ZDHHC8: variants seen among roughly 807,000 people sequenced by gnomAD.
The protein encoded by ZDHHC8 is palmitoyltransferase ZDHHC8.
Under a neutral mutation model 61.2 loss-of-function variants are expected in ZDHHC8, and 24 were observed. The observed-to-expected ratio is 0.39, with a 90% confidence interval of 0.28 to 0.55. The LOEUF is 0.55. Ranked by LOEUF, ZDHHC8 falls within the 20% of genes least tolerant of loss-of-function variation. ZDHHC8 has a pLI of 0.60. For missense variants in ZDHHC8, 935 were observed against 1,102.1 expected (o/e 0.85, Z 2.15); for synonymous variants, 523 against 492.5 (o/e 1.06, Z -0.82).
Position 20,132,808 on chromosome 22 carries a change from C to G in ZDHHC8, c.104+757C>G, listed in dbSNP as rs181962627. Among the ~76,000 whole-genome samples the G allele has an allele frequency of 2.4e-4, 36 of 152,342 alleles. 1 individual carries two copies. The highest frequency in any genetic ancestry group is 2.2e-3 in the Admixed American group (33 of 15,314). On this transcript the variant is annotated intron_variant, in intron 1 of 10. Transcript: ENST00000334554. ...GCTGGCTTAGGACCAGAGAGGCATGCGGACAGCACAGCCTCCCTCTGTGGC... is the reference window on the plus strand; with the variant it reads ...GCTGGCTTAGGACCAGAGAGGCATGGGGACAGCACAGCCTCCCTCTGTGGC...
chr22:20,144,421 G>C (rs1294298420), intron 10 of ZDHHC8, among the ~76,000 whole-genome samples: 7 of 152,198 alleles, frequency 4.6e-5, no homozygotes, highest in Non-Finnish European at 1.0e-4. Flanking sequence ...CTGGGGCCAG[G>C]ACCCACGCCA....
chr22:20,132,533 G>A (rs2050386167), intron 1 of ZDHHC8, among the ~76,000 whole-genome samples: 1 of 152,250 alleles, frequency 6.6e-6, no homozygotes, highest in African/African-American at 2.4e-5. Flanking sequence ...TGGCCTCGTT[G>A]CCACGTGCCT....
Position 20,140,954 on chromosome 22 carries a change from C to T in ZDHHC8, c.836C>T (p.Ala279Val), listed in dbSNP as rs1015117901. ...AGGCCTGAACTCCTGGACCGAGCTG[C>T]ACCGCTCAAGGTCAAGCTTAGTGAC... ...FLRPELLDRA[A>V]PLKVKLSDNG... Residue 279 changes from alanine (A) to valine (V), a missense_variant, in exon 7 of 11, where the codon GCA becomes GTA. Physicochemically the swap from Ala to Val is moderately conservative, Grantham distance 64. Coordinates refer to ENST00000334554, the MANE Select transcript of ZDHHC8 (RefSeq NM_013373.4). 6 of 1,610,300 alleles carry T rather than the reference C, an allele frequency of 3.7e-6. No individual in the cohort carries two copies. The highest frequency in any genetic ancestry group is 5.1e-6 in the Non-Finnish European group (6 of 1,179,990).
chr22:20,146,629 G>A lies in ZDHHC8; in HGVS notation c.*1229G>A, dbSNP rs2050527751. 1 of 1,004,580 alleles carries A rather than the reference G, an allele frequency of 1.0e-6. No individual in the cohort carries two copies. The highest frequency in any genetic ancestry group is 9.9e-5 in the East Asian group (1 of 10,100). 62.2% of individuals were successfully genotyped at this position (1,004,580 alleles called of 1,614,324 possible). On this transcript the variant is annotated 3_prime_UTR_variant, in exon 11 of 11. Transcript: ENST00000334554. Reference sequence around the variant, plus strand: ...GCTGAGTCAGAGGCTTGGGAAGAGGGGGCGGCCGATGGTCTGTGGCTGGGA... The same window carrying A: ...GCTGAGTCAGAGGCTTGGGAAGAGGAGGCGGCCGATGGTCTGTGGCTGGGA...
Position 20,141,473 on chromosome 22 carries a change from G to A in ZDHHC8, c.1068G>A (p.Lys356=), listed in dbSNP as rs1466447720. The change falls in exon 9 of 11, where the codon AAG becomes AAA. Residue 356 remains lysine (K), a synonymous_variant. Transcript: ENST00000334554. ...RTSPPTPAMY[K]FRPAFPTGPK... is the part of the protein sequence containing the mutation. The stretch of plus-strand genomic sequence containing the variant: ...GCCCCCCGACACCTGCCATGTACAA[G>A]TTTAGGCCGGCTTTCCCCACGGGTC... 6.2e-7 allele frequency: 1 copy of A among 1,613,370 alleles called. No individual in the cohort carries two copies. Among genetic ancestry groups the A allele is most frequent in the Non-Finnish European group, 8.5e-7 (1 of 1,179,946 alleles).
At position 20,132,014 on chromosome 22, in the gene ZDHHC8, C is replaced by G; in HGVS notation, c.67C>G (p.Leu23Val). ...KYIPVATAAA[L>V]LVGSSTLFFV... ...CATCCCGGTGGCCACGGCCGCCGCG[C>G]TGCTGGTCGGCTCCAGCACCCTCTT... Residue 23 changes from leucine to valine, a missense_variant, in exon 1 of 11, where the codon CTG (leucine) becomes GTG (valine). Coordinates refer to ENST00000334554, the MANE Select transcript of ZDHHC8 (RefSeq NM_013373.4). 7.2e-7 allele frequency: 1 copy of G among 1,392,124 alleles called. No individual in the cohort carries two copies. The allele number at this position is 1,392,124 out of a possible 1,614,324, so 86.2% of individuals were successfully genotyped here.
chr22:20,146,787 T>C lies in ZDHHC8; in HGVS notation c.*1387T>C, dbSNP rs1286972156. ...AGAGCTTGGGGAGATGAAATGGGGG[T>C]GCATAGGGGCCACCTGTTGGCTCAG... On this transcript the variant is annotated 3_prime_UTR_variant, in exon 11 of 11. Coordinates refer to ENST00000334554, the MANE Select transcript of ZDHHC8 (RefSeq NM_013373.4). 2 of 1,229,902 alleles carry C rather than the reference T, an allele frequency of 1.6e-6. No individual in the cohort carries two copies. The highest frequency in any genetic ancestry group is 6.4e-5 in the East Asian group (2 of 31,146). 76.2% of individuals were successfully genotyped at this position (1,229,902 alleles called of 1,614,324 possible).
Position 20,143,039 on chromosome 22 carries a change from T to G in ZDHHC8, c.1409T>G (p.Leu470Arg). Residue 470 changes from leucine to arginine, a missense_variant, in exon 10 of 11, where the codon CTG (leucine) becomes CGG (arginine). Leu to Arg is a moderately radical substitution (Grantham distance 102). Around this residue, in one of 3 missense-constraint regions of ZDHHC8, gnomAD observed 692 missense variants for 731.4 expected, o/e 0.95. Coordinates refer to ENST00000334554, the MANE Select transcript of ZDHHC8 (RefSeq NM_013373.4). ...CGTAGCATTTTTGCCCCCCATGCAC[T>G]GCCCAACCGCAACGGCAGCCTGTCC... is the stretch of plus-strand genomic sequence containing the variant. ...PHRSIFAPHALPNRNGSLSYD... is the reference protein window; with the variant it reads ...PHRSIFAPHARPNRNGSLSYD... 6.2e-7 allele frequency: 1 copy of G among 1,612,504 alleles called. No homozygotes were observed. The highest frequency in any genetic ancestry group is 8.5e-7 in the Non-Finnish European group (1 of 1,179,852).
rs745914692 is a variant in ZDHHC8 at position 20,143,186 on chromosome 22, G to T, written c.1556G>T (p.Arg519Leu). ...LHPGATGDPP[R>L]PLPRSFSPVL... is the part of the protein sequence containing the mutation. Reference sequence around the variant, plus strand: ...CCTGGGGCAACGGGCGACCCGCCACGGCCCCTACCCCGCAGCTTCAGCCCC... The same window carrying T: ...CCTGGGGCAACGGGCGACCCGCCACTGCCCCTACCCCGCAGCTTCAGCCCC... The change falls in exon 10 of 11, where the codon CGG becomes CTG. Residue 519 changes from arginine to leucine, a missense_variant. By Grantham distance (102) the Arg-to-Leu change is moderately radical. Transcript: ENST00000334554. 1 of 1,609,848 alleles carries T rather than the reference G, an allele frequency of 6.2e-7. No homozygotes were observed. The highest frequency in any genetic ancestry group is 2.2e-5 in the East Asian group (1 of 44,862).
intron 1 of ZDHHC8, among the ~76,000 whole-genome samples, chr22:20,132,729 G>T (rs538529788): frequency 6.6e-6 from 1 of 152,258 alleles, no homozygotes. Flanking sequence ...GTGAGAGCCC[G>T]CGCCTGCAGG....
At position 20,139,717 on chromosome 22, in the gene ZDHHC8, C is replaced by T. The variant is rs2050451230; in HGVS notation, c.385-3C>T. 6.2e-7 allele frequency: 1 copy of T among 1,612,128 alleles called. No homozygotes were observed. The highest frequency in any genetic ancestry group is 1.3e-5 in the African/African-American group (1 of 74,940). ...TGTGCCCTGATGCACTGCTCCCGCCCAGGACTTTGACCACCACTGCCCCTG... is the reference window on the plus strand; with the variant it reads ...TGTGCCCTGATGCACTGCTCCCGCCTAGGACTTTGACCACCACTGCCCCTG... On this transcript the variant is annotated splice_region_variant and splice_polypyrimidine_tract_variant and intron_variant, in intron 3 of 10. Transcript: ENST00000334554.
intron 1 of ZDHHC8, among the ~76,000 whole-genome samples, chr22:20,132,396 C>T (rs932803269): frequency 2.6e-5 from 4 of 152,198 alleles, no homozygotes; most frequent in Non-Finnish European, 5.9e-5. Flanking sequence ...CCCCATGGGA[C>T]CCCCGAGGGG....
rs536958117 is a variant in ZDHHC8 at position 20,143,612 on chromosome 22, G to A, written c.1982G>A (p.Ser661Asn). 5.6e-6 allele frequency: 9 copies of A among 1,603,470 alleles called. No individual in the cohort carries two copies. In the African/African-American group the frequency reaches 9.3e-5, roughly 17 times the overall value. The change falls in exon 10 of 11, where the codon AGC (serine) becomes AAC (asparagine). Residue 661 changes from serine (S) to asparagine (N), a missense_variant. Ser to Asn is a conservative substitution (Grantham distance 46). This residue lies in a region of ZDHHC8 where 692 missense variants were observed against 731.4 expected (regional missense o/e 0.95). Coordinates refer to ENST00000334554, the MANE Select transcript of ZDHHC8 (RefSeq NM_013373.4). Reference protein sequence around the residue: ...ASSNAPGPRPSSGSHRSPARQ... With the variant: ...ASSNAPGPRPNSGSHRSPARQ... ...AGCAACGCCCCGGGGCCCCGGCCCA[G>A]CAGTGGCTCACACAGGTCACCTGCA...
chr22:20,142,666 A>C, intron 9 of ZDHHC8, 90 bp from the exon 10 acceptor site: 4 of 1,552,504 alleles, frequency 2.6e-6, no homozygotes, highest in Non-Finnish European at 3.5e-6. Flanking sequence ...TCCTGAGGCC[A>C]CGGTGCCATG....
At chr22:20,140,014 G>A (rs770349956) in intron 4 of ZDHHC8, 101 bp from the exon 5 acceptor site, 54 of 1,585,938 alleles carry the variant, frequency 3.4e-5, no homozygotes, top group Middle Eastern at 1.7e-4. Flanking sequence ...GCAGGTGGCC[G>A]TCCCTAGGTT....
chr22:20,139,858 G>A lies in ZDHHC8; in HGVS notation c.523G>A (p.Ala175Thr), dbSNP rs749514978. Reference sequence around the variant, plus strand: ...CGGCCTGGTCTACGTGCTGAACCACGCTGAGGGGCTGGGAGCCGCGCACAC... The same window carrying A: ...CGGCCTGGTCTACGTGCTGAACCACACTGAGGGGCTGGGAGCCGCGCACAC... ...AFGLVYVLNHAEGLGAAHTTI... is the reference protein window; with the variant it reads ...AFGLVYVLNHTEGLGAAHTTI... Residue 175 changes from alanine to threonine, a missense_variant, in exon 4 of 11, where the codon GCT becomes ACT. Transcript: ENST00000334554. The A allele has an allele frequency of 2.8e-6, 4 of 1,447,482 alleles. No homozygotes were observed. Among genetic ancestry groups the A allele is most frequent in the East Asian group, 3.1e-5 (1 of 32,132 alleles). The allele number at this position is 1,447,482 out of a possible 1,614,324, so 89.7% of individuals were successfully genotyped here.
At chr22:20,144,337 G>A (rs1162696700) in intron 10 of ZDHHC8, among the ~76,000 whole-genome samples, 4 of 152,190 alleles carry the variant, frequency 2.6e-5, no homozygotes, top group Non-Finnish European at 5.9e-5. Context: ...CCAGGCACCC[G>A]GCAGGTTGGT....
Position 20,131,978 on chromosome 22 carries a change from C to G in ZDHHC8, c.31C>G (p.Pro11Ala), listed in dbSNP as rs765972376. 1.5e-6 allele frequency: 2 copies of G among 1,350,366 alleles called. No individual in the cohort carries two copies. Among genetic ancestry groups the G allele is most frequent in the Non-Finnish European group, 1.9e-6 (2 of 1,033,870 alleles). 83.6% of individuals were successfully genotyped at this position (1,350,366 alleles called of 1,614,324 possible). A position where few individuals can be genotyped will look rare whatever the true frequency, so the allele number is the denominator to read the frequency against. MPRSPGTRLK[P>A]AKYIPVATAA... ...CCGCAGCCCCGGGACGCGCCTCAAA[C>G]CCGCCAAGTACATCCCGGTGGCCAC... Residue 11 changes from proline to alanine, a missense_variant, in exon 1 of 11, where the codon CCC becomes GCC. Coordinates refer to ENST00000334554, the MANE Select transcript of ZDHHC8 (RefSeq NM_013373.4).
At chr22:20,139,117 G>GC in intron 1 of ZDHHC8, 77 bp from the exon 2 acceptor site, 1 of 1,534,078 alleles carries the variant, frequency 6.5e-7, no homozygotes, top group South Asian at 1.3e-5. Flanking sequence ...GGCCCAGCCT[G>GC]CCGCACCACA....
Sources: allele counts gnomAD v4.1 joint callset (sites outside exome capture counted in the v4.1 genomes callset), GRCh38; gene constraint gnomAD v4.1.1; regional missense constraint gnomAD v4.1.1; transcripts MANE v1.5; gene names NCBI Gene and HGNC (gene_info 2026-07-23, HGNC 2026-07-21).